The following CNTNAP2 variants were observed in gnomAD, a reference collection of about 807,000 sequenced individuals.
The protein encoded by CNTNAP2 is contactin-associated protein-like 2.
Under a neutral mutation model 155.2 loss-of-function variants are expected in CNTNAP2, and 98 were observed. The ratio of observed to expected loss-of-function variants is 0.63; its 90% CI spans 0.54 to 0.75. The LOEUF (loss-of-function observed/expected upper bound fraction) is 0.75. CNTNAP2 is among the 30% of genes least tolerant of loss of function. The pLI is 0.00. For missense variants in CNTNAP2, 1,727 were observed against 1,688.1 expected (o/e 1.02, Z -0.40); for synonymous variants, 651 against 631.2 (o/e 1.03, Z -0.47).
In CNTNAP2 at chr7:147,140,765, C is replaced by G. The variant is rs769849609; in HGVS notation, c.1348+8256C>G. On this transcript the variant is annotated intron_variant, in intron 8 of 23. Transcript: ENST00000361727. ...GATCCTAGGATCGAGAGACCTGCAT[C>G]TGTAATGCTGTACATAATTTTATGG... Among the ~76,000 whole-genome samples, 6 of 152,236 alleles carry G rather than the reference C, an allele frequency of 3.9e-5. No homozygotes were observed. In the South Asian group the frequency reaches 1.2e-3, roughly 32 times the overall value.
intron 18 of CNTNAP2, among the ~76,000 whole-genome samples, chr7:148,193,282 C>A (rs1795228486): frequency 6.6e-6 from 1 of 152,146 alleles, no homozygotes; most frequent in African/African-American, 2.4e-5. Context: ...CTCCACTCCC[C>A]ACAGATAAGG....
chr7:146,807,662 G>A (rs1003279720), intron 2 of CNTNAP2, among the ~76,000 whole-genome samples: 1 of 151,582 alleles, frequency 6.6e-6, no homozygotes, highest in Non-Finnish European at 1.5e-5. Context: ...CTCTCCTCCA[G>A]GTCTCTTCCC....
intron 1 of CNTNAP2, among the ~76,000 whole-genome samples, chr7:146,349,271 TC>T (rs35532656): frequency 0.2 from 30,805 of 152,032 alleles, 6,137 homozygotes; most frequent in African/African-American, 0.52. Flanking sequence ...TACATAGGTG[TC>T]CGGTACTAAG....
rs560419062 is a variant in CNTNAP2 at position 148,051,029 on chromosome 7, T to TGG, written c.2384-67089_2384-67088insGG. The stretch of plus-strand genomic sequence containing the variant: ...ACTCCTCAGAATACATCTCCATCGT[T>TGG]CAGGCTCAGCAATGCATGACTGTAT... On this transcript the variant is annotated intron_variant, in intron 15 of 23. Transcript: ENST00000361727. Among the ~76,000 whole-genome samples, 4 of 152,348 alleles carry TGG rather than the reference T, an allele frequency of 2.6e-5. No homozygotes were observed. The South Asian group carries it at 8.3e-4, about 32-fold the overall frequency.
At chr7:148,357,423 C>T (rs772081173) in intron 21 of CNTNAP2, among the ~76,000 whole-genome samples, 1 of 152,102 alleles carries the variant, frequency 6.6e-6, no homozygotes, top group Non-Finnish European at 1.5e-5. Context: ...ACTAATACAC[C>T]ACACATGCTC....
At position 148,201,230 on chromosome 7, in the gene CNTNAP2, T is replaced by C. The variant is rs997327475; in HGVS notation, c.3011-16058T>C. 9.2e-5 allele frequency among the ~76,000 whole-genome samples: 14 copies of C among 152,292 alleles called. No individual in the cohort carries two copies. The East Asian group carries it at 2.7e-3, about 29-fold the overall frequency. ...GTGGTTGCCACGTGCCTTCGCTAAA[T>C]ATCATGACTAAAAGGGAAAGACATG... On this transcript the variant is annotated intron_variant, in intron 18 of 23. Coordinates refer to ENST00000361727, the MANE Select transcript of CNTNAP2 (RefSeq NM_014141.6).
chr7:148,158,943 A>G (rs1171411778), intron 17 of CNTNAP2, among the ~76,000 whole-genome samples: 1 of 152,260 alleles, frequency 6.6e-6, no homozygotes, highest in Non-Finnish European at 1.5e-5. Context: ...ATAAATTAGT[A>G]TCAATGACAC....
chr7:146,706,901 C>A (rs1285989924), intron 1 of CNTNAP2, among the ~76,000 whole-genome samples: 3 of 147,360 alleles, frequency 2.0e-5, no homozygotes, highest in Admixed American at 2.0e-4. Flanking sequence ...GCACATGTAC[C>A]CCTGAACTTA....
chr7:147,170,377 A>G (rs556563548), intron 8 of CNTNAP2, among the ~76,000 whole-genome samples: 1 of 152,168 alleles, frequency 6.6e-6, no homozygotes, highest in South Asian at 2.1e-4. Context: ...TTCCACTAAT[A>G]GGCCTTCGGA....
intron 9 of CNTNAP2, among the ~76,000 whole-genome samples, chr7:147,366,533 C>A (rs889542948): frequency 6.6e-6 from 1 of 151,578 alleles, no homozygotes; most frequent in Admixed American, 6.6e-5. Flanking sequence ...TTCTCTCTGC[C>A]TTCTTTGTAT....
chr7:146,584,740 C>T (rs1798661138), intron 1 of CNTNAP2, among the ~76,000 whole-genome samples: 1 of 152,196 alleles, frequency 6.6e-6, no homozygotes, highest in African/African-American at 2.4e-5. Flanking sequence ...ACTTCTGAAG[C>T]AATCCTAATG....
At chr7:146,117,201 T>A in intron 1 of CNTNAP2, 1 of 559,908 alleles carries the variant, frequency 1.8e-6, no homozygotes, top group Non-Finnish European at 3.2e-6. Flanking sequence ...AAGTTGTTCC[T>A]GGTCTTGGTG....
At chr7:147,887,507 T>C (rs1241387469) in intron 13 of CNTNAP2, among the ~76,000 whole-genome samples, 2 of 152,154 alleles carry the variant, frequency 1.3e-5, no homozygotes, top group Admixed American at 6.5e-5. Flanking sequence ...TTTAAAATCC[T>C]TTTAAATGTA....
chr7:148,319,113 C>A (rs1046201349), intron 21 of CNTNAP2, among the ~76,000 whole-genome samples: 3 of 152,178 alleles, frequency 2.0e-5, no homozygotes, highest in Non-Finnish European at 4.4e-5. Flanking sequence ...AGTGGAGTGA[C>A]TGATAAATCA....
At chr7:147,507,168 G>T (rs762699286) in intron 11 of CNTNAP2, among the ~76,000 whole-genome samples, 11 of 152,090 alleles carry the variant, frequency 7.2e-5, no homozygotes, top group Non-Finnish European at 1.6e-4. Flanking sequence ...GCTTCCTTCA[G>T]ACCTACTCTC....
At chr7:147,322,947 C>G in intron 9 of CNTNAP2, among the ~76,000 whole-genome samples, 1 of 80,208 alleles carries the variant, frequency 1.2e-5, no homozygotes, top group Non-Finnish European at 2.2e-5. Context: ...TTTATTGTGT[C>G]TATTTGATTC....
chr7:147,137,739 TTTAA>T (rs1341231189), intron 8 of CNTNAP2, among the ~76,000 whole-genome samples: 2 of 151,910 alleles, frequency 1.3e-5, no homozygotes, highest in Non-Finnish European at 2.9e-5. Context: ...GTCTATAATG[TTTAA>T]TTATTTGAAA....
At chr7:146,266,117 A>G (rs1383747625) in intron 1 of CNTNAP2, among the ~76,000 whole-genome samples, 1 of 152,136 alleles carries the variant, frequency 6.6e-6, no homozygotes, top group East Asian at 1.9e-4. Context: ...TAAGCACCAG[A>G]CTGAGAACAA....
chr7:146,694,830 A>G (rs1050135257), intron 1 of CNTNAP2, among the ~76,000 whole-genome samples: 1 of 152,110 alleles, frequency 6.6e-6, no homozygotes, highest in Non-Finnish European at 1.5e-5. Flanking sequence ...CCTTATATCT[A>G]AGTGTTTGAT....
Sources: gnomAD v4.1 joint callset for allele counts (sites outside exome capture counted in the v4.1 genomes callset) on GRCh38, gnomAD v4.1.1 for gene constraint, MANE v1.5 for transcripts, NCBI Gene and HGNC (gene_info 2026-07-23, HGNC 2026-07-21) for gene names.